LCMT1: variants seen among roughly 807,000 people sequenced by gnomAD.
LCMT1 encodes leucine carboxyl methyltransferase 1.
A neutral mutation model predicts 47.7 loss-of-function variants in LCMT1; 32 were observed. The observed-to-expected ratio is 0.67, with a 90% CI of 0.51 to 0.90. LCMT1 has a LOEUF of 0.90. Ranked by LOEUF, LCMT1 falls within the 40% of genes least tolerant of loss-of-function variation. The pLI is 0.00. For missense variants in LCMT1, 375 were observed against 415.2 expected (o/e 0.90, Z 0.84); for synonymous variants, 152 against 149.7 (o/e 1.02, Z -0.11).
At chr16:25,156,192 A>T (rs1961251990) in intron 5 of LCMT1, among the ~76,000 whole-genome samples, 1 of 152,058 alleles carries the variant, frequency 6.6e-6, no homozygotes. Flanking sequence ...CTGCCGCCTT[A>T]TGTCACACTC....
At chr16:25,158,363 GGCC>G (rs1468605410) in intron 5 of LCMT1, among the ~76,000 whole-genome samples, 2 of 152,200 alleles carry the variant, frequency 1.3e-5, no homozygotes, top group Non-Finnish European at 2.9e-5. Flanking sequence ...GTCTCGAACT[GGCC>G]TTCAGCAATT....
intron 5 of LCMT1, among the ~76,000 whole-genome samples, chr16:25,159,170 C>T (rs1961347030): frequency 1.3e-5 from 2 of 152,218 alleles, no homozygotes; most frequent in South Asian, 2.1e-4. Context: ...GATGGAAAAA[C>T]TCATTCCAAA....
chr16:25,131,313 C>G (rs1456241267), intron 2 of LCMT1, among the ~76,000 whole-genome samples: 1 of 152,268 alleles, frequency 6.6e-6, no homozygotes, highest in African/African-American at 2.4e-5. Flanking sequence ...ACCCCCACCC[C>G]ACGCCCTGGC....
At chr16:25,126,688 C>CT (rs1240947094) in intron 1 of LCMT1, among the ~76,000 whole-genome samples, 3 of 152,220 alleles carry the variant, frequency 2.0e-5, no homozygotes, top group Non-Finnish European at 4.4e-5. Context: ...AGAACCTGCT[C>CT]TTTATTATCC....
chr16:25,160,479 A>C (rs1444414586), intron 5 of LCMT1, among the ~76,000 whole-genome samples: 1 of 152,208 alleles, frequency 6.6e-6, no homozygotes, highest in Non-Finnish European at 1.5e-5. Context: ...AAAACATAAC[A>C]CAAATTGGCG....
intron 10 of LCMT1, 26 bp from the exon 11 acceptor site, chr16:25,177,975 T>C (rs750798054): frequency 1.2e-6 from 2 of 1,612,152 alleles, no homozygotes; most frequent in African/African-American, 2.7e-5. Flanking sequence ...AGTCTCCTAA[T>C]GGTGTCTGTG....
chr16:25,177,907 TGGTGCCCCTGAGCC>T, intron 10 of LCMT1, 80 bp from the exon 11 acceptor site: 1 of 1,036,822 alleles, frequency 9.6e-7, no homozygotes. Flanking sequence ...GCAGTGTGGC[TGGTGCCCCTGAGCC>T]GGTCACTGGG....
rs559840978 is a variant in LCMT1 at position 25,153,769 on chromosome 16, A to G, written c.466+2154A>G. 1.6e-4 allele frequency among the ~76,000 whole-genome samples: 25 copies of G among 152,010 alleles called. 1 individual carries two copies. Among genetic ancestry groups the G allele is most frequent in the Non-Finnish European group, 3.2e-4 (22 of 68,002 alleles). On this transcript the variant is annotated intron_variant, in intron 5 of 10. Transcript: ENST00000399069. ...GGGGTTCGAGACCAGCCTGGCCAAC[A>G]TGATGAAACCCCGTCTCTACTAAAA...
intron 5 of LCMT1, among the ~76,000 whole-genome samples, chr16:25,156,599 G>A (rs1961262942): frequency 6.6e-6 from 1 of 152,198 alleles, no homozygotes; most frequent in African/African-American, 2.4e-5. Flanking sequence ...GAGCTGGGAA[G>A]GCCAGTGTGG....
chr16:25,123,600 CTTTTTTTTTT>C (rs1173228613), intron 1 of LCMT1, among the ~76,000 whole-genome samples: 3 of 63,486 alleles, frequency 4.7e-5, no homozygotes, highest in African/African-American at 2.2e-4. Context: ...AAATTGCTTT[CTTTTTTTTTT>C]TTTTTTTTTT....
intron 3 of LCMT1, among the ~76,000 whole-genome samples, chr16:25,137,597 C>T (rs1471509904): frequency 6.6e-6 from 1 of 151,920 alleles, no homozygotes; most frequent in East Asian, 1.9e-4. Flanking sequence ...AGGTGCAAGC[C>T]ACCATGCCTG....
intron 10 of LCMT1, among the ~76,000 whole-genome samples, chr16:25,176,404 C>G (rs1327075588): frequency 6.6e-6 from 1 of 152,070 alleles, no homozygotes; most frequent in Non-Finnish European, 1.5e-5. Flanking sequence ...GGACCATTCC[C>G]TATGCAAAAA....
chr16:25,150,334 T>G (rs12935312), intron 4 of LCMT1, among the ~76,000 whole-genome samples: 1 of 70,326 alleles, frequency 1.4e-5, no homozygotes, highest in Admixed American at 1.7e-4. Context: ...AGTTTTCTGG[T>G]TTTTTTTTTT....
intron 6 of LCMT1, among the ~76,000 whole-genome samples, chr16:25,163,333 G>T (rs1961489100): frequency 6.6e-6 from 1 of 152,092 alleles, no homozygotes; most frequent in East Asian, 1.9e-4. Context: ...TGGGTCCGTG[G>T]TGGTGTGTGC....
chr16:25,123,756 A>G (rs1339106768), intron 1 of LCMT1, among the ~76,000 whole-genome samples: 2 of 150,690 alleles, frequency 1.3e-5, no homozygotes, highest in African/African-American at 2.4e-5. Flanking sequence ...TACAGGCATG[A>G]GCCACCATAT....
At chr16:25,124,503 G>A (rs1279893298) in intron 1 of LCMT1, among the ~76,000 whole-genome samples, 1 of 152,174 alleles carries the variant, frequency 6.6e-6, no homozygotes, top group Non-Finnish European at 1.5e-5. Context: ...TCTTATGGGG[G>A]TTCCTATTTG....
chr16:25,174,519 G>A (rs1961870092), intron 9 of LCMT1, among the ~76,000 whole-genome samples: 1 of 152,060 alleles, frequency 6.6e-6, no homozygotes, highest in Non-Finnish European at 1.5e-5. Context: ...TATATGTCTT[G>A]GAGGTTATTG....
intron 1 of LCMT1, among the ~76,000 whole-genome samples, chr16:25,116,098 A>G (rs1239524481): frequency 9.9e-5 from 15 of 152,198 alleles, no homozygotes; most frequent in Admixed American, 9.8e-4. Flanking sequence ...GCAAGGAGGG[A>G]AGACTCACAC....
intron 1 of LCMT1, among the ~76,000 whole-genome samples, chr16:25,113,288 G>C (rs935914055): frequency 6.6e-6 from 1 of 152,220 alleles, no homozygotes; most frequent in East Asian, 1.9e-4. Context: ...AGTGATTGTA[G>C]AGTGGGGAAA....
Sources: allele counts gnomAD v4.1 joint callset (sites outside exome capture counted in the v4.1 genomes callset), GRCh38; gene constraint gnomAD v4.1.1; transcripts MANE v1.5; gene names NCBI Gene and HGNC (gene_info 2026-07-23, HGNC 2026-07-21).